The following MALAT1 variants were observed in gnomAD, a reference collection of about 807,000 sequenced individuals.
The protein encoded by MALAT1 is metastasis associated lung adenocarcinoma transcript 1, also known as hepcarcin.
exon 3 of MALAT1, chr11:65,501,961 G>T (rs772132386): frequency 7.8e-6 from 4 of 515,196 alleles, no homozygotes; most frequent in Admixed American, 2.0e-5. Flanking sequence ...AGAACTTAAA[G>T]TCTTAGAATG....
exon 3 of MALAT1, chr11:65,502,125 T>C (rs187687606): frequency 5.8e-6 from 3 of 516,182 alleles, no homozygotes; most frequent in African/African-American, 5.8e-5. Flanking sequence ...GTGTCATAAT[T>C]TGATACTGTA....
chr11:65,502,700 A>G (rs1195747990), exon 3 of MALAT1: 4 of 507,720 alleles, frequency 7.9e-6, no homozygotes, highest in Admixed American at 2.1e-5. Context: ...CTAGATGCAG[A>G]GAAAACAGCT....
At chr11:65,501,742 C>T (rs1299256751) in exon 3 of MALAT1, 1 of 518,936 alleles carries the variant, frequency 1.9e-6, no homozygotes, top group South Asian at 1.4e-5. Context: ...AGCTTTGGTT[C>T]ATATTCAGTC....
intron 1 of MALAT1, chr11:65,498,257 A>G (rs1326301393): frequency 3.9e-6 from 2 of 518,632 alleles, no homozygotes; most frequent in African/African-American, 3.9e-5. Context: ...CTCGCTTTCC[A>G]TGGCGATTTG....
intron 1 of MALAT1, chr11:65,497,918 C>T (rs1240784939): frequency 3.9e-6 from 2 of 518,676 alleles, no homozygotes; most frequent in Admixed American, 1.9e-5. Context: ...GTCCTTGGGA[C>T]GCAGCGACGA....
At chr11:65,498,490 C>T (rs1854453171) in intron 1 of MALAT1, 1 of 517,362 alleles carries the variant, frequency 1.9e-6, no homozygotes, top group Non-Finnish European at 3.9e-6. Context: ...GCAGACAGCC[C>T]GTGCTGCTCC....
intron 3 of MALAT1, chr11:65,504,604 C>CT: frequency 1.9e-6 from 1 of 518,812 alleles, no homozygotes; most frequent in South Asian, 1.4e-5. Flanking sequence ...AGGTAAAATG[C>CT]TTTTTGTTCA....
At chr11:65,502,512 G>A (rs774635197) in exon 3 of MALAT1, 2 of 482,982 alleles carry the variant, frequency 4.1e-6, no homozygotes, top group African/African-American at 2.0e-5. Flanking sequence ...TTTGTAAATT[G>A]TTTATTTTAA....
At chr11:65,504,212 T>C (rs376210739) in intron 3 of MALAT1, 55 of 517,792 alleles carry the variant, frequency 1.1e-4, no homozygotes, top group African/African-American at 9.3e-4. Context: ...TTCTAGTGAG[T>C]GTATGAGACC....
chr11:65,505,427 TTAA>T lies in MALAT1; in HGVS notation n.5169-826_5169-824del, dbSNP rs199697201. The T allele has an allele frequency of 2.6e-3, 1,338 of 513,810 alleles. 19 individuals carry two copies. The highest frequency in any genetic ancestry group is 0.024 in the Admixed American group (1,214 of 50,396). The allele number at this position is 513,810 out of a possible 1,614,324, so 31.8% of individuals were successfully genotyped here. ...AAGCAAGCTGTTTTTATAGCAGCTC[TTAA>T]TAATAAAGCCCAAATCTCAAGCGGT... On this transcript the variant is annotated intron_variant and non_coding_transcript_variant, in intron 3 of 3. Coordinates refer to ENST00000619449, the Ensembl canonical transcript of MALAT1.
At chr11:65,502,107 C>A (rs947055277) in exon 3 of MALAT1, 2 of 515,232 alleles carry the variant, frequency 3.9e-6, no homozygotes, top group Non-Finnish European at 7.7e-6. Flanking sequence ...TTAATTTGGG[C>A]AAGGAAAGTG....
chr11:65,502,916 A>G (rs1854585754), exon 3 of MALAT1: 1 of 492,558 alleles, frequency 2.0e-6, no homozygotes, highest in Non-Finnish European at 4.1e-6. Context: ...CACAAAAATA[A>G]TGAATTGATG....
chr11:65,499,815 T>C, exon 3 of MALAT1: 1 of 420,462 alleles, frequency 2.4e-6, no homozygotes, highest in South Asian at 1.8e-5. Context: ...AACAAAAAGC[T>C]AAGGGCAAAA....
At chr11:65,502,203 A>C (rs1283697286) in exon 3 of MALAT1, 1 of 518,962 alleles carries the variant, frequency 1.9e-6, no homozygotes, top group Non-Finnish European at 3.8e-6. Flanking sequence ...GGTCTGGCCT[A>C]CTGGGCTGAC....
chr11:65,505,216 A>G (rs749887931), intron 3 of MALAT1: 18 of 518,504 alleles, frequency 3.5e-5, no homozygotes, highest in African/African-American at 2.9e-4. Context: ...CCGAAGGCTT[A>G]AAGTAGGACA....
exon 3 of MALAT1, chr11:65,502,338 A>G (rs1854568814): frequency 1.9e-6 from 1 of 515,100 alleles, no homozygotes; most frequent in Admixed American, 2.0e-5. Flanking sequence ...AGAGCAAAGG[A>G]AGTGGCTTAA....
chr11:65,499,665 AC>A (rs1265454004), exon 3 of MALAT1: 3 of 435,340 alleles, frequency 6.9e-6, no homozygotes, highest in African/African-American at 4.1e-5. Context: ...GAAGTGGAAA[AC>A]TGGAAGACAG....
At chr11:65,499,726 A>AT (rs1854495984) in exon 3 of MALAT1, 1 of 433,656 alleles carries the variant, frequency 2.3e-6, no homozygotes, top group East Asian at 7.1e-5. Context: ...AAATTAGAAG[A>AT]TAAAAACATA....
chr11:65,502,570 G>T, exon 3 of MALAT1: 2 of 484,468 alleles, frequency 4.1e-6, no homozygotes, highest in South Asian at 1.5e-5. Context: ...TGATAGTTCA[G>T]CTTGAATGTC....
Sources: allele counts gnomAD v4.1 joint callset, GRCh38; gene constraint gnomAD v4.1.1; transcripts MANE v1.5; gene names NCBI Gene and HGNC (gene_info 2026-07-23, HGNC 2026-07-21).